The following SAT2 variants were observed in gnomAD, a reference collection of about 807,000 sequenced individuals.
The protein encoded by SAT2 is spermidine/spermine N1-acetyltransferase family member 2, also known as thialysine N-epsilon-acetyltransferase.
A neutral mutation model predicts 24.8 loss-of-function variants in SAT2; 19 were observed. The observed-to-expected ratio is 0.77, with a 90% confidence interval of 0.53 to 1.12. SAT2 has a LOEUF of 1.12. SAT2 is among the 50% of genes most tolerant of loss of function. SAT2 has a pLI of 0.00. For missense variants in SAT2, 190 were observed against 210.7 expected (o/e 0.90, Z 0.61); for synonymous variants, 77 against 77.4 (o/e 0.99, Z 0.03).
chr17:7,626,760 A>G lies in SAT2; in HGVS notation c.338T>C (p.Val113Ala). 6.2e-7 allele frequency: 1 copy of G among 1,613,890 alleles called. No individual in the cohort carries two copies. Among genetic ancestry groups the G allele is most frequent in the Non-Finnish European group, 8.5e-7 (1 of 1,179,980 alleles). The change falls in exon 5 of 6, where the codon GTG becomes GCG. Residue 113 changes from valine (V) to alanine (A), a missense_variant. Physicochemically the swap from Val to Ala is moderately conservative, Grantham distance 64. Transcript: ENST00000269298. ...QGIGSKIIKK[V>A]AEVALDKGCS... ...CCCCACCCATCTCCTCACCTCAGCC[A>G]CCTTTTTGATTATTTTGGAACCAAT... is the stretch of plus-strand genomic sequence containing the variant.
At chr17:7,626,911 C>T (rs749570263) in intron 4 of SAT2, 32 bp downstream of exon 4, 1 of 1,600,608 alleles carries the variant, frequency 6.2e-7, no homozygotes, top group East Asian at 2.2e-5. Context: ...GGGTGCTTTG[C>T]TCCCACCCCA....
rs1261803975 is a variant in SAT2, at chr17:7,627,773, C to G, written c.-138G>C. 2.1e-6 allele frequency: 2 copies of G among 960,762 alleles called. No individual in the cohort carries two copies. Among genetic ancestry groups the G allele is most frequent in the South Asian group, 1.4e-5 (1 of 73,254 alleles). 59.5% of individuals were successfully genotyped at this position (960,762 alleles called of 1,614,324 possible). ...GAGTCGGGGGGGACGGCGGGGTAGC[C>G]GCGGCCTGGTAAGTGGAGCTGGGAT... is the stretch of plus-strand genomic sequence containing the variant. On this transcript the variant is annotated 5_prime_UTR_variant, in exon 1 of 6. Coordinates refer to ENST00000269298, the MANE Select transcript of SAT2 (RefSeq NM_133491.5). The surrounding 1 kb of genome is among the most constrained non-coding windows in gnomAD (Gnocchi z 4.8).
At position 7,627,579 on chromosome 17, in the gene SAT2, C is replaced by T; in HGVS notation, c.57G>A (p.Arg19=). 1 of 1,611,030 alleles carries T rather than the reference C, an allele frequency of 6.2e-7. No homozygotes were observed. Among genetic ancestry groups the T allele is most frequent in the African/African-American group, 1.3e-5 (1 of 74,928 alleles). ...GGCCTGCAGTCTTCACCCGAATCAG[C>T]CTCAGGATATCTCCACAGTCTCCCT... The part of the protein sequence containing the change: ...AKEGDCGDIL[R]LIRELAEFEK... Residue 19 remains arginine (R), a synonymous_variant, in exon 1 of 6, where the codon AGG becomes AGA. Transcript: ENST00000269298. This position sits in a 1 kb window ranked among gnomAD's most constrained non-coding sequence, Gnocchi z 4.8.
rs752607797 is a variant in SAT2, at chr17:7,627,592, CCA to C, written c.42_43del (p.Cys14TrpfsTer24). The C allele has an allele frequency of 7.4e-6, 12 of 1,612,290 alleles. No homozygotes were observed. In the Admixed American group the frequency reaches 1.7e-4, roughly 22 times the overall value. On this transcript the variant is annotated frameshift_variant, in exon 1 of 6. Transcript: ENST00000269298. LOFTEE classifies it high-confidence loss of function. The surrounding 1 kb of genome is among the most constrained non-coding windows in gnomAD (Gnocchi z 4.8). Reference sequence around the variant, plus strand: ...CACCCGAATCAGCCTCAGGATATCTCCACAGTCTCCCTCCTTGGCCTCTCGGA... The same window carrying C: ...CACCCGAATCAGCCTCAGGATATCTCCAGTCTCCCTCCTTGGCCTCTCGGA...
chr17:7,627,721 G>T lies in SAT2; in HGVS notation c.-86C>A. ...TAAAGGGCCTACGGACTTGGATCCTGAAGAGCCTGAGAGAGCGGGGTGGCG... is the reference window on the plus strand; with the variant it reads ...TAAAGGGCCTACGGACTTGGATCCTTAAGAGCCTGAGAGAGCGGGGTGGCG... On this transcript the variant is annotated 5_prime_UTR_variant, in exon 1 of 6. Coordinates refer to ENST00000269298, the MANE Select transcript of SAT2 (RefSeq NM_133491.5). This position sits in a 1 kb window ranked among gnomAD's most constrained non-coding sequence, Gnocchi z 4.8. 2.0e-6 allele frequency: 3 copies of T among 1,466,570 alleles called. No individual in the cohort carries two copies. The highest frequency in any genetic ancestry group is 2.9e-6 in the Non-Finnish European group (3 of 1,048,540). The allele number at this position is 1,466,570 out of a possible 1,614,324, so 90.8% of individuals were successfully genotyped here.
chr17:7,627,728 C>T lies in SAT2; in HGVS notation c.-93G>A. 1 of 1,441,692 alleles carries T rather than the reference C, an allele frequency of 6.9e-7. No individual in the cohort carries two copies. The highest frequency in any genetic ancestry group is 9.7e-7 in the Non-Finnish European group (1 of 1,027,916). 89.3% of individuals were successfully genotyped at this position (1,441,692 alleles called of 1,614,324 possible). On this transcript the variant is annotated 5_prime_UTR_variant, in exon 1 of 6. Transcript: ENST00000269298. This position sits in a 1 kb window ranked among gnomAD's most constrained non-coding sequence, Gnocchi z 4.8. ...CCTACGGACTTGGATCCTGAAGAGC[C>T]TGAGAGAGCGGGGTGGCGGGAGTCG...
chr17:7,627,750 G>T lies in SAT2; in HGVS notation c.-115C>A. 4 of 1,220,284 alleles carry T rather than the reference G, an allele frequency of 3.3e-6. No homozygotes were observed. The highest frequency in any genetic ancestry group is 4.8e-6 in the Non-Finnish European group (4 of 835,536). 75.6% of individuals were successfully genotyped at this position (1,220,284 alleles called of 1,614,324 possible). A position where few individuals can be genotyped will look rare whatever the true frequency, so the allele number is the denominator to read the frequency against. ...AGCCTGAGAGAGCGGGGTGGCGGGA[G>T]TCGGGGGGGACGGCGGGGTAGCCGC... is the stretch of plus-strand genomic sequence containing the variant. On this transcript the variant is annotated 5_prime_UTR_variant, in exon 1 of 6. Coordinates refer to ENST00000269298, the MANE Select transcript of SAT2 (RefSeq NM_133491.5). The surrounding 1 kb of genome is among the most constrained non-coding windows in gnomAD (Gnocchi z 4.8).
At position 7,627,513 on chromosome 17, in the gene SAT2, C is replaced by T. The variant is rs777255990; in HGVS notation, c.66+57G>A. The T allele has an allele frequency of 6.4e-7, 1 of 1,552,380 alleles. No individual in the cohort carries two copies. The highest frequency in any genetic ancestry group is 2.2e-5 in the East Asian group (1 of 44,574). On this transcript the variant is annotated intron_variant, in intron 1 of 5. Coordinates refer to ENST00000269298, the MANE Select transcript of SAT2 (RefSeq NM_133491.5). This position sits in a 1 kb window ranked among gnomAD's most constrained non-coding sequence, Gnocchi z 4.8. ...CCCCTCCCCCTGCCCCCGCCTCCTA[C>T]GACCCCGCTCTGGCCGCGCCACTCT...
chr17:7,627,503 C>T lies in SAT2; in HGVS notation c.66+67G>A, dbSNP rs1174705582. On this transcript the variant is annotated intron_variant, in intron 1 of 5. Transcript: ENST00000269298. The surrounding 1 kb of genome is among the most constrained non-coding windows in gnomAD (Gnocchi z 4.8). The stretch of plus-strand genomic sequence containing the variant: ...CCAAGGCGAGCCCCTCCCCCTGCCC[C>T]CGCCTCCTACGACCCCGCTCTGGCC... 2 of 1,595,400 alleles carry T rather than the reference C, an allele frequency of 1.3e-6. No homozygotes were observed. The highest frequency in any genetic ancestry group is 4.5e-5 in the East Asian group (2 of 44,758).
chr17:7,627,019 T>C lies in SAT2; in HGVS notation c.228A>G (p.Ile76Met), dbSNP rs775095673. The change falls in exon 4 of 6, where the codon ATA (isoleucine) becomes ATG (methionine). Residue 76 changes from isoleucine (I) to methionine (M), a missense_variant. Ile to Met is a conservative substitution (Grantham distance 10, BLOSUM62 1). Coordinates refer to ENST00000269298, the MANE Select transcript of SAT2 (RefSeq NM_133491.5). The surrounding 1 kb of genome is among the most constrained non-coding windows in gnomAD (Gnocchi z 4.8). ...TCCATGTACTGTAGATGAAATAGTA[T>C]ATCCCATAGCCCACCACGCAGGGCC... ...LLGPCVVGYGIYYFIYSTWKG... is the reference protein window; with the variant it reads ...LLGPCVVGYGMYYFIYSTWKG... The C allele has an allele frequency of 3.7e-6, 6 of 1,613,836 alleles. No individual in the cohort carries two copies. Among genetic ancestry groups the C allele is most frequent in the East Asian group, 4.5e-5 (2 of 44,880 alleles).
In SAT2 at chr17:7,627,443, G is replaced by A. The variant is rs751879508; in HGVS notation, c.67-29C>T. 1.2e-6 allele frequency: 2 copies of A among 1,613,434 alleles called. No individual in the cohort carries two copies. Among genetic ancestry groups the A allele is most frequent in the African/African-American group, 2.7e-5 (2 of 74,884 alleles). On this transcript the variant is annotated intron_variant, in intron 1 of 5. Transcript: ENST00000269298. This position sits in a 1 kb window ranked among gnomAD's most constrained non-coding sequence, Gnocchi z 4.8. The stretch of plus-strand genomic sequence containing the variant: ...AGGCGTGGGTACGGAAGCTAGATTA[G>A]AGCAGAAGGGCCCCGCTGCTCCCCG...
Position 7,626,263 on chromosome 17 carries a change from A to G in SAT2, c.*184T>C, listed in dbSNP as rs894456749. 2 of 616,652 alleles carry G rather than the reference A, an allele frequency of 3.2e-6. No homozygotes were observed. The highest frequency in any genetic ancestry group is 5.7e-6 in the Non-Finnish European group (2 of 349,358). The allele number at this position is 616,652 out of a possible 1,614,324, so 38.2% of individuals were successfully genotyped here. A position where few individuals can be genotyped will look rare whatever the true frequency, so the allele number is the denominator to read the frequency against. The stretch of plus-strand genomic sequence containing the variant: ...GACATGTAATTCTTATTTATTTTTC[A>G]CCCTCAACAAGGAAGAAAGGTCTCT... On this transcript the variant is annotated 3_prime_UTR_variant, in exon 6 of 6. Coordinates refer to ENST00000269298, the MANE Select transcript of SAT2 (RefSeq NM_133491.5).
At chr17:7,626,922 G>T in intron 4 of SAT2, 21 bp downstream of exon 4, 1 of 1,610,986 alleles carries the variant, frequency 6.2e-7, no homozygotes, top group East Asian at 2.2e-5. Flanking sequence ...TCCCACCCCA[G>T]CCTCAGCTTC....
In SAT2 at chr17:7,626,449, A is replaced by G; in HGVS notation, c.511T>C (p.Ter171ArgextTer4). The change falls in exon 6 of 6, where the codon TGA (stop) becomes CGA (arginine). Residue 171 changes from the stop codon to arginine (R), a stop_lost. Transcript: ENST00000269298. ...GEATRKLAGK[*>R] ...CAGAGATCCTCCTAGGGATGGCGTC[A>G]CTTTCCTGCCAACTTTCTCGTTGCC... The G allele has an allele frequency of 3.7e-6, 6 of 1,613,920 alleles. No individual in the cohort carries two copies. Among genetic ancestry groups the G allele is most frequent in the African/African-American group, 1.3e-5 (1 of 75,012 alleles).
chr17:7,626,438 G>C lies in SAT2; in HGVS notation c.*9C>G. 6.2e-7 allele frequency: 1 copy of C among 1,613,686 alleles called. No individual in the cohort carries two copies. Among genetic ancestry groups the C allele is most frequent in the Non-Finnish European group, 8.5e-7 (1 of 1,179,780 alleles). On this transcript the variant is annotated 3_prime_UTR_variant, in exon 6 of 6. Transcript: ENST00000269298. ...GAAACTCAAGACAGAGATCCTCCTA[G>C]GGATGGCGTCACTTTCCTGCCAACT...
rs528443883 is a variant in SAT2 at position 7,627,014 on chromosome 17, T to G, written c.233A>C (p.Tyr78Ser). Residue 78 changes from tyrosine (Y) to serine (S), a missense_variant, in exon 4 of 6, where the codon TAT becomes TCT. Coordinates refer to ENST00000269298, the MANE Select transcript of SAT2 (RefSeq NM_133491.5). The surrounding 1 kb of genome is among the most constrained non-coding windows in gnomAD (Gnocchi z 4.8). ...TCCCTTCCATGTACTGTAGATGAAATAGTATATCCCATAGCCCACCACGCA... is the reference window on the plus strand; with the variant it reads ...TCCCTTCCATGTACTGTAGATGAAAGAGTATATCCCATAGCCCACCACGCA... ...GPCVVGYGIY[Y>S]FIYSTWKGRT... The G allele has an allele frequency of 2.5e-6, 4 of 1,613,530 alleles. No individual in the cohort carries two copies. The highest frequency in any genetic ancestry group is 3.3e-5 in the Admixed American group (2 of 59,922).
In SAT2 at chr17:7,626,512, C is replaced by T. The variant is rs1414439595; in HGVS notation, c.448G>A (p.Glu150Lys). The part of the protein sequence containing the change: ...YKALGAQDLT[E>K]AEGWHFFCFQ... ...CAGAAGAAGTGCCAGCCCTCAGCTT[C>T]CGTCAGATCTTGGGCTCCTAGGGCC... is the stretch of plus-strand genomic sequence containing the variant. Residue 150 changes from glutamate (E) to lysine (K), a missense_variant, in exon 6 of 6, where the codon GAA becomes AAA. Transcript: ENST00000269298. 6.2e-7 allele frequency: 1 copy of T among 1,614,200 alleles called. No individual in the cohort carries two copies. The highest frequency in any genetic ancestry group is 1.1e-5 in the South Asian group (1 of 91,080).
Position 7,626,605 on chromosome 17 carries a change from C to T in SAT2, c.355G>A (p.Asp119Asn). The T allele has an allele frequency of 3.1e-6, 5 of 1,612,790 alleles. No homozygotes were observed. Among genetic ancestry groups the T allele is most frequent in the Non-Finnish European group, 4.2e-6 (5 of 1,179,372 alleles). ...IIKKVAEVAL[D>N]KGCSQFRLAV... ...AGGCGGAATTGGGAGCAGCCCTTAT[C>T]CAAGGCCACCTGTGGGAGAAGACAA... The change falls in exon 6 of 6, where the codon GAT becomes AAT. Residue 119 changes from aspartate (D) to asparagine (N), a missense_variant. Transcript: ENST00000269298.
At position 7,627,334 on chromosome 17, in the gene SAT2, C is replaced by G. The variant is rs1341858969; in HGVS notation, c.118+29G>C. The G allele has an allele frequency of 2.5e-6, 4 of 1,614,132 alleles. No individual in the cohort carries two copies. On this transcript the variant is annotated intron_variant, in intron 2 of 5. Coordinates refer to ENST00000269298, the MANE Select transcript of SAT2 (RefSeq NM_133491.5). The surrounding 1 kb of genome is among the most constrained non-coding windows in gnomAD (Gnocchi z 4.8). ...CCATCCCTCATTTCCTCCCCAGCCT[C>G]CGCCAGAACCTGGGCGCTGAGCCCC... is the stretch of plus-strand genomic sequence containing the variant.
Sources: gnomAD v4.1 joint callset for allele counts on GRCh38, gnomAD v4.1.1 for gene constraint, Gnocchi (gnomAD v3.1) non-coding constraint, MANE v1.5 for transcripts, NCBI Gene and HGNC (gene_info 2026-07-23, HGNC 2026-07-21) for gene names.